USP49: variants seen among roughly 807,000 people sequenced by gnomAD.
The protein encoded by USP49 is ubiquitin carboxyl-terminal hydrolase 49.
Under a neutral mutation model 58.6 loss-of-function variants are expected in USP49, and 24 were observed. The ratio of observed to expected loss-of-function variants is 0.41; its 90% CI spans 0.30 to 0.58. The LOEUF is 0.58. USP49 is among the 20% of genes least tolerant of loss of function. The pLI is 0.30. For synonymous variants in USP49, 408 were observed against 365.1 expected (o/e 1.12, Z -1.34); for missense variants, 703 against 866.1 (o/e 0.81, Z 2.36).
At chr6:41,867,701 G>A (rs574255363) in intron 3 of USP49, among the ~76,000 whole-genome samples, 22 of 151,906 alleles carry the variant, frequency 1.4e-4, no homozygotes, top group Middle Eastern at 3.4e-3. Context: ...GCAGTGAGCC[G>A]AGATCACGCC....
At chr6:41,883,932 AGGTGC>A (rs912657591) in intron 2 of USP49, among the ~76,000 whole-genome samples, 1 of 152,204 alleles carries the variant, frequency 6.6e-6, no homozygotes, top group African/African-American at 2.4e-5. Flanking sequence ...ATGGTAGCCT[AGGTGC>A]CCATCACTAT....
At chr6:41,804,556 G>C (rs1051133704) in intron 4 of USP49, among the ~76,000 whole-genome samples, 1 of 152,102 alleles carries the variant, frequency 6.6e-6, no homozygotes, top group African/African-American at 2.4e-5. Flanking sequence ...CTTCCTAAGG[G>C]GAGGGGAGAC....
intron 2 of USP49, 104 bp from the exon 3 acceptor site, chr6:41,871,741 T>C (rs952038042): frequency 1.3e-5 from 2 of 151,656 alleles, no homozygotes; most frequent in African/African-American, 4.9e-5. Context: ...TAAATTACAA[T>C]GCATTAAACT....
At chr6:41,871,317 G>A (rs1774408831) in intron 3 of USP49, among the ~76,000 whole-genome samples, 1 of 152,144 alleles carries the variant, frequency 6.6e-6, no homozygotes, top group African/African-American at 2.4e-5. Flanking sequence ...GTTTCAGTAT[G>A]GTTGCTGGTC....
At chr6:41,831,950 C>A (rs1773642771) in intron 3 of USP49, among the ~76,000 whole-genome samples, 1 of 152,142 alleles carries the variant, frequency 6.6e-6, no homozygotes, top group Non-Finnish European at 1.5e-5. Context: ...TCTGTACTAA[C>A]CCTCAAAAGC....
At chr6:41,860,704 G>C (rs1009675996) in intron 3 of USP49, among the ~76,000 whole-genome samples, 4 of 151,812 alleles carry the variant, frequency 2.6e-5, no homozygotes, top group Non-Finnish European at 5.9e-5. Flanking sequence ...TAGAGACATA[G>C]TTTCACCATG....
chr6:41,848,374 A>T (rs1773960059), intron 3 of USP49, among the ~76,000 whole-genome samples: 1 of 151,992 alleles, frequency 6.6e-6, no homozygotes, highest in African/African-American at 2.4e-5. Context: ...TTGGTAGCCT[A>T]TGTTTTGTTT....
rs1281795347 is a variant in USP49 at position 41,804,731 on chromosome 6, CCCA to C, written c.1357-724_1357-722del. 2.0e-5 allele frequency among the ~76,000 whole-genome samples: 3 copies of C among 152,094 alleles called. No homozygotes were observed. In the East Asian group the frequency reaches 5.8e-4, roughly 29 times the overall value. Reference sequence around the variant, plus strand: ...TCTTAAGTTGCTCACCAACCCACCCCCCACCACGTTTTTTTGTTTGTTTTTTGG... The same window carrying C: ...TCTTAAGTTGCTCACCAACCCACCCCCCACGTTTTTTTGTTTGTTTTTTGG... On this transcript the variant is annotated intron_variant, in intron 4 of 7. Coordinates refer to ENST00000682992, the MANE Select transcript of USP49 (RefSeq NM_001286554.2).
At chr6:41,830,949 T>C (rs376563972) in intron 3 of USP49, among the ~76,000 whole-genome samples, 20 of 152,128 alleles carry the variant, frequency 1.3e-4, no homozygotes, top group African/African-American at 4.3e-4. Flanking sequence ...ATAACCTGCA[T>C]TGTCACTATA....
At chr6:41,856,191 G>A (rs1005054565) in intron 3 of USP49, among the ~76,000 whole-genome samples, 2 of 152,052 alleles carry the variant, frequency 1.3e-5, no homozygotes, top group African/African-American at 4.8e-5. Context: ...CGCTAACATG[G>A]TGAAACCCTG....
At chr6:41,894,348 A>C (rs1401543094) in intron 1 of USP49, 1 of 152,314 alleles carries the variant, frequency 6.6e-6, no homozygotes, top group Non-Finnish European at 1.5e-5. Context: ...ATCGTCCTAC[A>C]GACACCCATC....
intron 3 of USP49, among the ~76,000 whole-genome samples, chr6:41,841,110 G>T (rs1213414981): frequency 2.6e-5 from 4 of 151,902 alleles, no homozygotes; most frequent in African/African-American, 9.7e-5. Context: ...GGCCCCATAG[G>T]CTCCTTGCAA....
chr6:41,842,700 C>T (rs1773848257), intron 3 of USP49, among the ~76,000 whole-genome samples: 1 of 152,090 alleles, frequency 6.6e-6, no homozygotes, highest in Non-Finnish European at 1.5e-5. Context: ...CTGCAAAAGT[C>T]AGCCAGGTCT....
chr6:41,810,972 C>G (rs1217296220), intron 3 of USP49, among the ~76,000 whole-genome samples: 1 of 152,138 alleles, frequency 6.6e-6, no homozygotes, highest in Non-Finnish European at 1.5e-5. Flanking sequence ...AGTTCTAAAT[C>G]CAATGTACTG....
In USP49 at chr6:41,791,014, T is replaced by C. The variant is rs1296674363; in HGVS notation, c.*5519A>G. ...TCAGATCACTTGCTAAGACAAGAAA[T>C]ACCAGCACCTCCTGTTCTTTATAGG... On this transcript the variant is annotated 3_prime_UTR_variant, in exon 8 of 8. Transcript: ENST00000682992. The C allele has an allele frequency of 6.6e-6, 1 of 152,186 alleles. No individual in the cohort carries two copies. Among genetic ancestry groups the C allele is most frequent in the African/African-American group, 2.4e-5 (1 of 41,454 alleles). 9.4% of individuals were successfully genotyped at this position (152,186 alleles called of 1,614,324 possible).
chr6:41,817,957 T>A (rs1773386742), intron 3 of USP49, among the ~76,000 whole-genome samples: 1 of 152,210 alleles, frequency 6.6e-6, no homozygotes, highest in Non-Finnish European at 1.5e-5. Flanking sequence ...AATTTTCACA[T>A]AATAATATCT....
chr6:41,802,412 A>ATT (rs1367504534), intron 5 of USP49, among the ~76,000 whole-genome samples: 5,803 of 86,226 alleles, frequency 0.067, 246 homozygotes, highest in Non-Finnish European at 0.095. Flanking sequence ...TTTATTTTTT[A>ATT]TTTTATTTTA....
At chr6:41,882,822 A>G (rs1017415532) in intron 2 of USP49, among the ~76,000 whole-genome samples, 1 of 152,142 alleles carries the variant, frequency 6.6e-6, no homozygotes, top group Non-Finnish European at 1.5e-5. Flanking sequence ...AAGCTGATGC[A>G]GGAGAATTGC....
Position 41,806,292 on chromosome 6 carries a change from G to A in USP49, c.692C>T (p.Thr231Ile), listed in dbSNP as rs1393527620. ...PAASRPAALPTSRRVPAATLK... is the reference protein window; with the variant it reads ...PAASRPAALPISRRVPAATLK... ...TGTGGCGGCGGGCACTCTGCGTGAG[G>A]TAGGGAGGGCGGCGGGGCGCGAGGC... The change falls in exon 4 of 8, where the codon ACC becomes ATC. Residue 231 changes from threonine (T) to isoleucine (I), a missense_variant. This residue lies in a region of USP49 where 376 missense variants were observed against 373.5 expected (regional missense o/e 1.01). Transcript: ENST00000682992. This position sits in a 1 kb window ranked among gnomAD's most constrained non-coding sequence, Gnocchi z 5.9. The A allele has an allele frequency of 3.8e-6, 6 of 1,597,424 alleles. No individual in the cohort carries two copies. The highest frequency in any genetic ancestry group is 5.1e-6 in the Non-Finnish European group (6 of 1,176,558).
Sources: allele counts gnomAD v4.1 joint callset (sites outside exome capture counted in the v4.1 genomes callset), GRCh38; gene constraint gnomAD v4.1.1; regional missense constraint gnomAD v4.1.1; non-coding constraint Gnocchi (gnomAD v3.1); transcripts MANE v1.5; gene names NCBI Gene and HGNC (gene_info 2026-07-23, HGNC 2026-07-21).